TSPAN8: variants seen among roughly 807,000 people sequenced by gnomAD.
TSPAN8 encodes tetraspanin 8.
TSPAN8 carries 21 observed loss-of-function variants against 32.8 expected under a neutral mutation model. The ratio of observed to expected loss-of-function variants is 0.64; its 90% CI spans 0.45 to 0.92. The LOEUF (loss-of-function observed/expected upper bound fraction) is 0.92, where lower values mean the gene tolerates loss of function less well. Ranked by LOEUF, TSPAN8 falls within the 40% of genes least tolerant of loss-of-function variation. The pLI is 0.00. For missense variants in TSPAN8, 269 were observed against 281.9 expected (o/e 0.95, Z 0.33); for synonymous variants, 95 against 94.6 (o/e 1.00, Z -0.03).
chr12:71,143,532 T>A (rs1338241062), intron 3 of TSPAN8, among the ~76,000 whole-genome samples: 1 of 152,144 alleles, frequency 6.6e-6, no homozygotes, highest in Non-Finnish European at 1.5e-5. Context: ...GTCATGTTCA[T>A]CTTATACATA....
At chr12:71,130,016 A>C (rs1236294967) in intron 7 of TSPAN8, among the ~76,000 whole-genome samples, 1 of 149,198 alleles carries the variant, frequency 6.7e-6, no homozygotes, top group Non-Finnish European at 1.5e-5. Flanking sequence ...GCAGAGGCGC[A>C]ATCTTGGCTC....
At chr12:71,156,758 A>C (rs753606913) in intron 2 of TSPAN8, 22 of 152,234 alleles carry the variant, frequency 1.4e-4, no homozygotes, top group Non-Finnish European at 2.2e-4. Context: ...GGTAGCTTTT[A>C]ATCCAGTATA....
intron 4 of TSPAN8, chr12:71,139,411 A>T (rs1303909140): frequency 1.9e-6 from 1 of 526,842 alleles, no homozygotes; most frequent in Non-Finnish European, 3.3e-6. Flanking sequence ...GTAGGTTCTA[A>T]AGGTCTTATG....
intron 2 of TSPAN8, among the ~76,000 whole-genome samples, chr12:71,151,004 G>A (rs1253304386): frequency 6.6e-6 from 1 of 151,626 alleles, no homozygotes; most frequent in Non-Finnish European, 1.5e-5. Flanking sequence ...TGTGAAAACA[G>A]ACTGATACAA....
chr12:71,138,939 T>C (rs1871802268), intron 4 of TSPAN8, among the ~76,000 whole-genome samples: 1 of 140,778 alleles, frequency 7.1e-6, no homozygotes, highest in African/African-American at 2.7e-5. Context: ...AACTTTTATG[T>C]CATATTTGTA....
At position 71,144,142 on chromosome 12, in the gene TSPAN8, C is replaced by T. The variant is rs760155738; in HGVS notation, c.123+9G>A. 1 of 1,608,008 alleles carries T rather than the reference C, an allele frequency of 6.2e-7. No homozygotes were observed. Among genetic ancestry groups the T allele is most frequent in the Non-Finnish European group, 8.5e-7 (1 of 1,176,924 alleles). On this transcript the variant is annotated intron_variant, in intron 3 of 8. Coordinates refer to ENST00000247829, the MANE Select transcript of TSPAN8 (RefSeq NM_004616.3). ...TTGGGGAAAGGGTGACTTGTTTTTG[C>T]ATACTTACTGCTTGAGAGTCATTGC...
At position 71,157,932 on chromosome 12, in the gene TSPAN8, A is replaced by G. The variant is rs1872499553; in HGVS notation, c.-112T>C. Reference sequence around the variant, plus strand: ...TATCTCAAAGGCTATTAACTCACACATTTAAATATCGCAAAGGCTATCTCC... The same window carrying G: ...TATCTCAAAGGCTATTAACTCACACGTTTAAATATCGCAAAGGCTATCTCC... On this transcript the variant is annotated splice_region_variant and 5_prime_UTR_variant, in exon 1 of 9. It removes an upstream start codon present in the reference 5' UTR. Transcript: ENST00000247829. The G allele has an allele frequency of 4.4e-6, 2 of 455,780 alleles. No homozygotes were observed. The highest frequency in any genetic ancestry group is 7.8e-6 in the Non-Finnish European group (2 of 255,702). The allele number at this position is 455,780 out of a possible 1,614,324, so 28.2% of individuals were successfully genotyped here.
intron 7 of TSPAN8, among the ~76,000 whole-genome samples, chr12:71,129,622 A>G (rs1272367815): frequency 2.0e-5 from 3 of 152,186 alleles, no homozygotes; most frequent in Non-Finnish European, 2.9e-5. Flanking sequence ...TTGAAAAGCA[A>G]TTGAGGAACA....
intron 3 of TSPAN8, among the ~76,000 whole-genome samples, chr12:71,142,162 C>A (rs1019038469): frequency 6.6e-6 from 1 of 152,274 alleles, no homozygotes; most frequent in Non-Finnish European, 1.5e-5. Flanking sequence ...ATAAACCAAG[C>A]CAATTTTATA....
chr12:71,145,697 T>C (rs991887772), intron 2 of TSPAN8, among the ~76,000 whole-genome samples: 2 of 152,230 alleles, frequency 1.3e-5, no homozygotes, highest in African/African-American at 4.8e-5. Context: ...CAAATGATAA[T>C]GAGACCCTCT....
chr12:71,135,871 C>G (rs915838378), intron 6 of TSPAN8, among the ~76,000 whole-genome samples: 6 of 152,082 alleles, frequency 3.9e-5, no homozygotes, highest in Non-Finnish European at 8.8e-5. Context: ...ATAAATTCTT[C>G]CTTCTTTAAG....
intron 2 of TSPAN8, among the ~76,000 whole-genome samples, chr12:71,150,249 A>G (rs1451721402): frequency 6.6e-6 from 1 of 152,182 alleles, no homozygotes; most frequent in Non-Finnish European, 1.5e-5. Context: ...ACAGACCCTT[A>G]TCAGTAATTC....
chr12:71,151,086 T>C (rs910383330), intron 2 of TSPAN8, among the ~76,000 whole-genome samples: 14 of 149,806 alleles, frequency 9.3e-5, no homozygotes, highest in Admixed American at 2.7e-4. Context: ...TTTTTTGAGA[T>C]GGAGTCTCAC....
chr12:71,150,864 G>A (rs1316981249), intron 2 of TSPAN8, among the ~76,000 whole-genome samples: 1 of 152,062 alleles, frequency 6.6e-6, no homozygotes, highest in African/African-American at 2.4e-5. Flanking sequence ...TCTCTTGCCT[G>A]CCACCATGTA....
In TSPAN8 at chr12:71,157,657, T is replaced by C. The variant is rs143811904; in HGVS notation, c.22A>G (p.Ile8Val). ...TTGAAGGTAAACATAGAATATTTTA[T>C]ACAGGCACTCACACCTGCCATTTCG... MAGVSACIKYSMFTFNFL... is the reference protein window; with the variant it reads MAGVSACVKYSMFTFNFL... The change falls in exon 2 of 9, where the codon ATA becomes GTA. Residue 8 changes from isoleucine to valine, a missense_variant. Transcript: ENST00000247829. The C allele has an allele frequency of 5.6e-6, 9 of 1,613,784 alleles. No individual in the cohort carries two copies. The highest frequency in any genetic ancestry group is 7.6e-6 in the Non-Finnish European group (9 of 1,179,724).
Position 71,157,973 on chromosome 12 carries a change from T to C in TSPAN8, c.-153A>G, listed in dbSNP as rs956405693. 2 of 358,364 alleles carry C rather than the reference T, an allele frequency of 5.6e-6. No individual in the cohort carries two copies. Among genetic ancestry groups the C allele is most frequent in the Admixed American group, 8.2e-5 (2 of 24,286 alleles). 22.2% of individuals were successfully genotyped at this position (358,364 alleles called of 1,614,324 possible). A position where few individuals can be genotyped will look rare whatever the true frequency, so the allele number is the denominator to read the frequency against. On this transcript the variant is annotated 5_prime_UTR_variant, in exon 1 of 9. Coordinates refer to ENST00000247829, the MANE Select transcript of TSPAN8 (RefSeq NM_004616.3). ...GGCTATCTCCAGGCAAGTATGTTCC[T>C]TTGCTTGTCATAGCTCCTGGGGCAC... is the stretch of plus-strand genomic sequence containing the variant.
intron 4 of TSPAN8, among the ~76,000 whole-genome samples, chr12:71,138,931 C>A (rs192431192): frequency 6.4e-4 from 92 of 143,230 alleles, no homozygotes; most frequent in African/African-American, 2.2e-3. Flanking sequence ...ACCTGATAAA[C>A]TTTTATGTCA....
intron 2 of TSPAN8, among the ~76,000 whole-genome samples, chr12:71,148,088 C>T (rs1046528630): frequency 1.3e-5 from 2 of 152,176 alleles, no homozygotes; most frequent in Admixed American, 1.3e-4. Flanking sequence ...AATATCCTTC[C>T]AATCTACATT....
chr12:71,129,236 T>C (rs1871439078), intron 8 of TSPAN8, 95 bp downstream of exon 8: 2 of 1,305,092 alleles, frequency 1.5e-6, no homozygotes, highest in Admixed American at 3.3e-5. Context: ...GTTGTGGTTT[T>C]TTTTTTTCTG....
Sources: allele counts gnomAD v4.1 joint callset (sites outside exome capture counted in the v4.1 genomes callset), GRCh38; gene constraint gnomAD v4.1.1; transcripts MANE v1.5; gene names NCBI Gene and HGNC (gene_info 2026-07-23, HGNC 2026-07-21).